PGF: variants seen among roughly 807,000 people sequenced by gnomAD.
The protein encoded by PGF is placental growth factor, also known as placenta growth factor.
In PGF, 11 loss-of-function variants were observed where a neutral mutation model predicts 25.3. That is an observed-to-expected ratio of 0.43 (90% CI 0.27 to 0.72). The LOEUF (loss-of-function observed/expected upper bound fraction) is 0.72. PGF is among the 30% of genes least tolerant of loss of function. PGF has a pLI of 0.18. For missense variants in PGF, 230 were observed against 234.9 expected, an observed-to-expected ratio of 0.98 and a Z score of 0.14; for synonymous variants, 105 against 97.9, an observed-to-expected ratio of 1.07 and a Z score of -0.43.
chr14:74,949,259 T>G, intron 3 of PGF, 98 bp downstream of exon 3: 1 of 1,015,680 alleles, frequency 9.8e-7, no homozygotes, highest in Non-Finnish European at 1.4e-6. Flanking sequence ...GGCCTGGGAG[T>G]CAGGCTCCAG....
rs1176379654 is a variant in PGF, at chr14:74,953,014, G to A, written c.118+890C>T. ...AGCATAATGTTGTGCTGGTTCCAGA[G>A]GCACAGCAAGGGAGGCATCCATGAG... is the stretch of plus-strand genomic sequence containing the variant. On this transcript the variant is annotated intron_variant, in intron 2 of 6. Transcript: ENST00000555567. The surrounding 1 kb of genome is among the most constrained non-coding windows in gnomAD (Gnocchi z 5.4). Among the ~76,000 whole-genome samples the A allele has an allele frequency of 6.6e-5, 10 of 152,208 alleles. No individual in the cohort carries two copies. Among genetic ancestry groups the A allele is most frequent in the Admixed American group, 3.3e-4 (5 of 15,282 alleles).
At position 74,942,472 on chromosome 14, in the gene PGF, G is replaced by T. The variant is rs1220657451; in HGVS notation, c.*234C>A. On this transcript the variant is annotated 3_prime_UTR_variant, in exon 7 of 7. Coordinates refer to ENST00000555567, the MANE Select transcript of PGF (RefSeq NM_002632.6). ...GGCCACGTGTCTTGCTTCTTTCAAA[G>T]CGGAAGCTCCCAGGGGTCTGTGGCT... 1.1e-5 allele frequency: 6 copies of T among 539,758 alleles called. No individual in the cohort carries two copies. The highest frequency in any genetic ancestry group is 2.0e-5 in the Non-Finnish European group (6 of 306,262). The allele number at this position is 539,758 out of a possible 1,614,324, so 33.4% of individuals were successfully genotyped here.
At position 74,942,740 on chromosome 14, in the gene PGF, G is replaced by A; in HGVS notation, c.486-7C>T. On this transcript the variant is annotated splice_polypyrimidine_tract_variant and splice_region_variant and intron_variant, in intron 6 of 6. Transcript: ENST00000555567. The stretch of plus-strand genomic sequence containing the variant: ...GGGAACAGCATCGCCGCACCTGCCA[G>A]AGACCAAGCACAGACGGGGCGGGTA... The A allele has an allele frequency of 6.2e-7, 1 of 1,609,916 alleles. No homozygotes were observed. Among genetic ancestry groups the A allele is most frequent in the Non-Finnish European group, 8.5e-7 (1 of 1,178,416 alleles).
chr14:74,946,991 GC>G, intron 4 of PGF: 1 of 645,962 alleles, frequency 1.5e-6, no homozygotes, highest in Non-Finnish European at 2.8e-6. Flanking sequence ...CTGTTGCCTG[GC>G]CCCTGGCAGG....
chr14:74,949,287 A>T, intron 3 of PGF, 70 bp downstream of exon 3: 1 of 1,277,238 alleles, frequency 7.8e-7, no homozygotes. Flanking sequence ...ACCTGGGCCT[A>T]TCTTCTTCCC....
intron 4 of PGF, chr14:74,946,714 G>A (rs886356742): frequency 4.3e-6 from 3 of 696,662 alleles, no homozygotes; most frequent in African/African-American, 1.7e-5. Flanking sequence ...TCTGTTCTCT[G>A]TTGCTTTTTC....
Position 74,942,437 on chromosome 14 carries a change from C to T in PGF, c.*269G>A. ...TCCAGGGCCTCTGGGGCCTAGCTTG[C>T]CCCTCACGAGGCCACGTGTCTTGCT... On this transcript the variant is annotated 3_prime_UTR_variant, in exon 7 of 7. Transcript: ENST00000555567. 2.1e-6 allele frequency: 1 copy of T among 468,632 alleles called. No individual in the cohort carries two copies. The allele number at this position is 468,632 out of a possible 1,614,324, so 29.0% of individuals were successfully genotyped here.
At chr14:74,949,033 T>C (rs1001256920) in intron 3 of PGF, among the ~76,000 whole-genome samples, 1 of 152,206 alleles carries the variant, frequency 6.6e-6, no homozygotes, top group African/African-American at 2.4e-5. Flanking sequence ...GTGTGTGACA[T>C]GTAAGCTGCA....
intron 4 of PGF, chr14:74,947,770 C>T (rs1888774282): frequency 6.6e-6 from 1 of 152,258 alleles, no homozygotes; most frequent in Non-Finnish European, 1.5e-5. Flanking sequence ...GGTAGTCTTC[C>T]CTCCTGCCGC....
At chr14:74,946,646 C>T in intron 4 of PGF, 4 of 642,296 alleles carry the variant, frequency 6.2e-6, no homozygotes, top group East Asian at 2.7e-5. Flanking sequence ...CTCCTGGGGA[C>T]CCCTGCCACC....
Position 74,953,967 on chromosome 14 carries a change from A to G in PGF, c.76-21T>C. 3.7e-6 allele frequency: 6 copies of G among 1,613,470 alleles called. No individual in the cohort carries two copies. Among genetic ancestry groups the G allele is most frequent in the Non-Finnish European group, 5.1e-6 (6 of 1,179,692 alleles). On this transcript the variant is annotated intron_variant, in intron 1 of 6. Transcript: ENST00000555567. The surrounding 1 kb of genome is among the most constrained non-coding windows in gnomAD (Gnocchi z 5.4). Reference sequence around the variant, plus strand: ...CACTGCTATGGACAGAAAAGTGCAGAGGTGAGCTGGGGGTACCTTGGAGCT... The same window carrying G: ...CACTGCTATGGACAGAAAAGTGCAGGGGTGAGCTGGGGGTACCTTGGAGCT...
chr14:74,951,825 G>A (rs1566859249), intron 2 of PGF, among the ~76,000 whole-genome samples: 1 of 152,114 alleles, frequency 6.6e-6, no homozygotes, highest in Non-Finnish European at 1.5e-5. Flanking sequence ...GCAGCCACCA[G>A]GAAAGGGCAA....
At position 74,955,267 on chromosome 14, in the gene PGF, G is replaced by T. The variant is rs1470743031; in HGVS notation, c.-25C>A. On this transcript the variant is annotated 5_prime_UTR_variant, in exon 1 of 7. Transcript: ENST00000555567. The surrounding 1 kb of genome is among the most constrained non-coding windows in gnomAD (Gnocchi z 4.1). The stretch of plus-strand genomic sequence containing the variant: ...TCTTCTCAGACGTCCCGAGCCAGGG[G>T]GCTCCGAGGGAAAACCACCATGCTC... The T allele has an allele frequency of 7.2e-7, 1 of 1,397,270 alleles. No individual in the cohort carries two copies. Among genetic ancestry groups the T allele is most frequent in the Non-Finnish European group, 9.5e-7 (1 of 1,055,934 alleles). The allele number at this position is 1,397,270 out of a possible 1,614,324, so 86.6% of individuals were successfully genotyped here.
At chr14:74,946,699 TTCTG>T (rs1888745862) in intron 4 of PGF, 1 of 684,912 alleles carries the variant, frequency 1.5e-6, no homozygotes, top group African/African-American at 1.8e-5. Flanking sequence ...ATTTGGTTGT[TTCTG>T]TCTGTTCTCT....
intron 6 of PGF, 83 bp downstream of exon 6, chr14:74,946,130 C>T (rs1346548571): frequency 1.5e-6 from 2 of 1,304,464 alleles, no homozygotes; most frequent in Non-Finnish European, 1.1e-6. Context: ...TGCCTCTCCC[C>T]CTCCCCAACC....
chr14:74,950,494 G>A lies in PGF; in HGVS notation c.119-941C>T, dbSNP rs1268449920. On this transcript the variant is annotated intron_variant, in intron 2 of 6. Transcript: ENST00000555567. This position sits in a 1 kb window ranked among gnomAD's most constrained non-coding sequence, Gnocchi z 4.1. ...ATCCCTGACCTCACGATGTCCTGGC[G>A]ATCGTGAATGGGATCTTTTGGGGGC... Among the ~76,000 whole-genome samples, 1 of 152,298 alleles carries A rather than the reference G, an allele frequency of 6.6e-6. No homozygotes were observed. Among genetic ancestry groups the A allele is most frequent in the Middle Eastern group, 3.4e-3 (1 of 294 alleles).
chr14:74,955,252 C>A lies in PGF; in HGVS notation c.-10G>T. 1.4e-6 allele frequency: 2 copies of A among 1,444,968 alleles called. No individual in the cohort carries two copies. The highest frequency in any genetic ancestry group is 9.2e-7 in the Non-Finnish European group (1 of 1,086,764). The allele number at this position is 1,444,968 out of a possible 1,614,324, so 89.5% of individuals were successfully genotyped here. A position where few individuals can be genotyped will look rare whatever the true frequency, so the allele number is the denominator to read the frequency against. ...GCCTCATGACCGGCATCTTCTCAGA[C>A]GTCCCGAGCCAGGGGGCTCCGAGGG... On this transcript the variant is annotated 5_prime_UTR_variant, in exon 1 of 7. Transcript: ENST00000555567. This position sits in a 1 kb window ranked among gnomAD's most constrained non-coding sequence, Gnocchi z 4.1.
intron 2 of PGF, among the ~76,000 whole-genome samples, chr14:74,951,189 C>T (rs1020810122): frequency 7.2e-5 from 11 of 152,116 alleles, no homozygotes; most frequent in Admixed American, 1.3e-4. Flanking sequence ...TCCATTCTGC[C>T]GTGCTCTGCT....
rs766954932 is a variant in PGF, at chr14:74,948,567, G to A, written c.332C>T (p.Ser111Phe). Reference protein sequence around the residue: ...NVTMQLLKIRSGDRPSYVELT... With the variant: ...NVTMQLLKIRFGDRPSYVELT... The stretch of plus-strand genomic sequence containing the variant: ...CTCCACGTAGGAGGGCCGGTCCCCA[G>A]AACGGATCTTTAGGAGCTGAAGGAA... Residue 111 changes from serine to phenylalanine, a missense_variant, in exon 4 of 7, where the codon TCT becomes TTT. Coordinates refer to ENST00000555567, the MANE Select transcript of PGF (RefSeq NM_002632.6). 5.6e-6 allele frequency: 9 copies of A among 1,603,714 alleles called. No homozygotes were observed. Among genetic ancestry groups the A allele is most frequent in the Non-Finnish European group, 7.7e-6 (9 of 1,172,082 alleles).
Sources: allele counts gnomAD v4.1 joint callset (sites outside exome capture counted in the v4.1 genomes callset), GRCh38; gene constraint gnomAD v4.1.1; non-coding constraint Gnocchi (gnomAD v3.1); transcripts MANE v1.5; gene names NCBI Gene and HGNC (gene_info 2026-07-23, HGNC 2026-07-21).